The following MYRIP variants were observed in gnomAD, a reference collection of about 807,000 sequenced individuals.
The protein encoded by MYRIP is rab effector MyRIP.
Under a neutral mutation model 98.0 loss-of-function variants are expected in MYRIP, and 49 were observed. The ratio of observed to expected loss-of-function variants is 0.50; its 90% CI spans 0.40 to 0.63. MYRIP has a LOEUF of 0.63. Among genes scored for constraint, MYRIP ranks in the 30% least tolerant of loss-of-function variants. MYRIP has a pLI of 0.00. For missense variants in MYRIP, 1,004 were observed against 1,058.2 expected, an observed-to-expected ratio of 0.95 and a Z score of 0.71; for synonymous variants, 404 against 409.5, an observed-to-expected ratio of 0.99 and a Z score of 0.16.
At chr3:39,960,750 G>A (rs1039232262) in intron 2 of MYRIP, among the ~76,000 whole-genome samples, 1 of 152,150 alleles carries the variant, frequency 6.6e-6, no homozygotes, top group Admixed American at 6.6e-5. Flanking sequence ...ATAACAGGTT[G>A]CTAATGAGGG....
rs547426837 is a variant in MYRIP at position 40,212,991 on chromosome 3, T to C, written c.1905+2898T>C. ...CAGTTTGCAAACTCTGTGGCATTGG[T>C]TAATGGCTTACCTCACTGCTACTAC... On this transcript the variant is annotated intron_variant, in intron 11 of 16. Coordinates refer to ENST00000302541, the MANE Select transcript of MYRIP (RefSeq NM_015460.4). 2.4e-4 allele frequency among the ~76,000 whole-genome samples: 37 copies of C among 152,198 alleles called. No homozygotes were observed. The South Asian group carries it at 6.2e-3, about 26-fold the overall frequency.
chr3:40,171,914 A>C (rs984441814), intron 8 of MYRIP, among the ~76,000 whole-genome samples: 1 of 152,258 alleles, frequency 6.6e-6, no homozygotes, highest in Non-Finnish European at 1.5e-5. Flanking sequence ...CCACACAATC[A>C]TGGTGGAAAG....
chr3:39,832,698 G>T (rs1428214881), intron 1 of MYRIP, among the ~76,000 whole-genome samples: 1 of 152,140 alleles, frequency 6.6e-6, no homozygotes, highest in Non-Finnish European at 1.5e-5. Flanking sequence ...GTAAAGCAGT[G>T]CCCCCAATGA....
chr3:39,925,766 A>G (rs1944408307), intron 2 of MYRIP, among the ~76,000 whole-genome samples: 1 of 152,080 alleles, frequency 6.6e-6, no homozygotes, highest in South Asian at 2.1e-4. Context: ...TGTCCTTGCT[A>G]TTGTGAATAG....
chr3:40,116,929 A>T (rs377686138), intron 3 of MYRIP, among the ~76,000 whole-genome samples: 5 of 152,218 alleles, frequency 3.3e-5, no homozygotes, highest in African/African-American at 1.2e-4. Flanking sequence ...TTTCCCTTCC[A>T]TAGTTTCATA....
At position 40,165,279 on chromosome 3, in the gene MYRIP, A is replaced by G. The variant is rs9813409; in HGVS notation, c.551-1567A>G. ...CTGGCTTGTGACATACTCATCAGCTAGCTAGATCACTTTGACCTTAAGTGG... is the reference window on the plus strand; with the variant it reads ...CTGGCTTGTGACATACTCATCAGCTGGCTAGATCACTTTGACCTTAAGTGG... On this transcript the variant is annotated intron_variant, in intron 5 of 16. Transcript: ENST00000302541. Among the ~76,000 whole-genome samples, 1,315 of 152,344 alleles carry G rather than the reference A, an allele frequency of 8.6e-3. 22 individuals are homozygous for G. Among genetic ancestry groups the G allele is most frequent in the African/African-American group, 0.03 (1,263 of 41,582 alleles).
intron 4 of MYRIP, among the ~76,000 whole-genome samples, chr3:40,151,726 G>T (rs543464161): frequency 6.6e-6 from 1 of 152,304 alleles, no homozygotes; most frequent in South Asian, 2.1e-4. Context: ...TACTTGGAAT[G>T]GGAAATTATA....
chr3:39,950,299 G>T (rs1310478789), intron 2 of MYRIP, among the ~76,000 whole-genome samples: 4 of 152,052 alleles, frequency 2.6e-5, no homozygotes, highest in African/African-American at 9.7e-5. Flanking sequence ...ATATTTGTGG[G>T]TTCCTTTTCC....
rs1020640182 is a variant in MYRIP, at chr3:40,113,585, C to A, written c.333-37463C>A. ...CCATTTGGAAACAACAAAGTTAAGT[C>A]CCAGTGTACATTAAAATAAATTCTA... On this transcript the variant is annotated intron_variant, in intron 3 of 16. Transcript: ENST00000302541. Among the ~76,000 whole-genome samples, 4 of 152,126 alleles carry A rather than the reference C, an allele frequency of 2.6e-5. No individual in the cohort carries two copies. In the South Asian group the frequency reaches 8.3e-4, roughly 32 times the overall value.
intron 1 of MYRIP, among the ~76,000 whole-genome samples, chr3:39,886,998 C>G (rs1314592508): frequency 6.6e-6 from 1 of 151,712 alleles, no homozygotes; most frequent in African/African-American, 2.4e-5. Flanking sequence ...TCTCTCAGAC[C>G]ACAGTGCAAT....
chr3:40,092,862 G>C (rs1201111845), intron 3 of MYRIP, among the ~76,000 whole-genome samples: 1 of 152,182 alleles, frequency 6.6e-6, no homozygotes, highest in Admixed American at 6.5e-5. Flanking sequence ...GCTTCTAGAA[G>C]CTAGTCTGTC....
chr3:39,953,614 G>A (rs1229145817), intron 2 of MYRIP, among the ~76,000 whole-genome samples: 1 of 152,166 alleles, frequency 6.6e-6, no homozygotes, highest in African/African-American at 2.4e-5. Flanking sequence ...CCCAGTGTGA[G>A]CGACACAGAA....
intron 8 of MYRIP, 90 bp from the exon 9 acceptor site, chr3:40,182,130 C>T: frequency 7.3e-7 from 1 of 1,360,608 alleles, no homozygotes; most frequent in South Asian, 1.6e-5. Flanking sequence ...TTTCTCCATG[C>T]TGGACAATGT....
At chr3:40,044,462 G>GC (rs1483071973) in intron 3 of MYRIP, among the ~76,000 whole-genome samples, 191 bp downstream of exon 3, 1 of 152,138 alleles carries the variant, frequency 6.6e-6, no homozygotes, top group Non-Finnish European at 1.5e-5. Flanking sequence ...ATGAGAGAGG[G>GC]CCCCCCAGGA....
At chr3:40,131,839 C>A (rs1206017759) in intron 3 of MYRIP, among the ~76,000 whole-genome samples, 2 of 151,944 alleles carry the variant, frequency 1.3e-5, no homozygotes, top group Non-Finnish European at 2.9e-5. Flanking sequence ...TCCCTCATAT[C>A]TCCTCTTTTC....
At chr3:40,053,521 G>T (rs1947831042) in intron 3 of MYRIP, among the ~76,000 whole-genome samples, 1 of 152,200 alleles carries the variant, frequency 6.6e-6, no homozygotes, top group Admixed American at 6.5e-5. Context: ...ATGGGTATGG[G>T]ATTGAATTTG....
chr3:40,158,800 C>G (rs891987138), intron 4 of MYRIP, among the ~76,000 whole-genome samples: 1 of 146,084 alleles, frequency 6.8e-6, no homozygotes, highest in Non-Finnish European at 1.5e-5. Flanking sequence ...TATGTTTTAT[C>G]AGAGACTAGC....
intron 4 of MYRIP, among the ~76,000 whole-genome samples, chr3:40,158,932 G>A (rs1950310258): frequency 1.3e-5 from 2 of 152,038 alleles, no homozygotes; most frequent in South Asian, 2.1e-4. Flanking sequence ...CACACTGATG[G>A]GTCTTGACTC....
chr3:39,965,557 T>C (rs1414029168), intron 2 of MYRIP, among the ~76,000 whole-genome samples: 2 of 152,252 alleles, frequency 1.3e-5, no homozygotes, highest in African/African-American at 2.4e-5. Context: ...GTAGGAGATA[T>C]ATATTAGGAG....
Sources: allele counts gnomAD v4.1 joint callset (sites outside exome capture counted in the v4.1 genomes callset), GRCh38; gene constraint gnomAD v4.1.1; transcripts MANE v1.5; gene names NCBI Gene and HGNC (gene_info 2026-07-23, HGNC 2026-07-21).